Variants in PCCA observed in about 807,000 individuals in gnomAD.
PCCA encodes propionyl-CoA carboxylase subunit alpha.
A neutral mutation model predicts 101.3 loss-of-function variants in PCCA; 74 were observed. The observed-to-expected ratio is 0.73, with a 90% CI of 0.61 to 0.89. The LOEUF is 0.89. PCCA is among the 40% of genes least tolerant of loss of function. The probability of loss-of-function intolerance (pLI) is 0.00; values close to 1 mark genes in which losing one functional copy is unlikely to be tolerated. For synonymous variants in PCCA, 294 were observed against 313.6 expected (o/e 0.94, Z 0.66); for missense variants, 891 against 907.0 (o/e 0.98, Z 0.23).
intron 22 of PCCA, among the ~76,000 whole-genome samples, chr13:100,523,586 G>C (rs79037609): frequency 2.2e-4 from 34 of 152,154 alleles, no homozygotes; most frequent in Non-Finnish European, 2.4e-4. Flanking sequence ...TAAATGGGCC[G>C]AGGTTTCTCT....
At chr13:100,481,483 A>G (rs1596106389) in intron 21 of PCCA, among the ~76,000 whole-genome samples, 3 of 152,192 alleles carry the variant, frequency 2.0e-5, no homozygotes, top group South Asian at 2.1e-4. Flanking sequence ...GCTTAAGCCC[A>G]GGAGGTGGAG....
intron 21 of PCCA, among the ~76,000 whole-genome samples, chr13:100,473,531 A>G (rs1035988419): frequency 5.3e-5 from 8 of 152,314 alleles, no homozygotes; most frequent in East Asian, 1.9e-4. Flanking sequence ...TACACTCTCT[A>G]TAGTACATAC....
intron 21 of PCCA, among the ~76,000 whole-genome samples, chr13:100,472,239 C>T (rs1351924698): frequency 2.6e-5 from 4 of 152,086 alleles, no homozygotes; most frequent in African/African-American, 9.7e-5. Flanking sequence ...AGAACTTTTC[C>T]ACCGCAAGCA....
At chr13:100,433,965 G>A (rs938492250) in intron 20 of PCCA, among the ~76,000 whole-genome samples, 2 of 152,242 alleles carry the variant, frequency 1.3e-5, no homozygotes, top group African/African-American at 4.8e-5. Context: ...GTTTAATGAA[G>A]AATGGGCAGC....
chr13:100,260,698 C>G (rs993057922), intron 9 of PCCA, among the ~76,000 whole-genome samples: 2 of 151,916 alleles, frequency 1.3e-5, no homozygotes, highest in African/African-American at 4.8e-5. Context: ...CACTTGGCCA[C>G]AAATTAGTTG....
At chr13:100,164,224 A>T (rs72658517) in intron 6 of PCCA, among the ~76,000 whole-genome samples, 21,630 of 152,272 alleles carry the variant, frequency 0.14, 1,661 homozygotes, top group Non-Finnish European at 0.18. Context: ...TGAGACATAC[A>T]CATGGGGTCT....
intron 12 of PCCA, among the ~76,000 whole-genome samples, chr13:100,294,137 C>G (rs1353465571): frequency 1.3e-5 from 2 of 152,148 alleles, no homozygotes; most frequent in Non-Finnish European, 2.9e-5. Context: ...GCCATCCACT[C>G]CCTGTGTCTT....
chr13:100,427,294 G>A (rs1164501188), intron 20 of PCCA, among the ~76,000 whole-genome samples: 1 of 152,336 alleles, frequency 6.6e-6, no homozygotes, highest in East Asian at 1.9e-4. Flanking sequence ...ACTGTACAGT[G>A]CATCGAATAT....
intron 12 of PCCA, chr13:100,293,264 A>G: frequency 2.1e-6 from 1 of 471,412 alleles, no homozygotes; most frequent in South Asian, 1.5e-5. Flanking sequence ...GGTACAGTAC[A>G]ATTGTTGAAA....
At chr13:100,372,687 G>A (rs1167368948) in intron 19 of PCCA, among the ~76,000 whole-genome samples, 18 of 152,174 alleles carry the variant, frequency 1.2e-4, no homozygotes, top group African/African-American at 4.8e-5. Context: ...GAGTGAGAAG[G>A]CAACCCACAG....
At chr13:100,131,935 AC>A (rs1367601698) in intron 4 of PCCA, among the ~76,000 whole-genome samples, 1 of 152,140 alleles carries the variant, frequency 6.6e-6, no homozygotes, top group East Asian at 1.9e-4. Context: ...GAGGATCTGA[AC>A]CAGCCTGGGG....
At chr13:100,216,227 A>G (rs1594771225) in intron 7 of PCCA, among the ~76,000 whole-genome samples, 1 of 152,130 alleles carries the variant, frequency 6.6e-6, no homozygotes, top group African/African-American at 2.4e-5. Context: ...GCTATCCTGG[A>G]GAAGAGCAAA....
chr13:100,356,535 T>C (rs2073977433), intron 18 of PCCA, among the ~76,000 whole-genome samples: 1 of 152,096 alleles, frequency 6.6e-6, no homozygotes, highest in South Asian at 2.1e-4. Flanking sequence ...AAAATGTAAG[T>C]CATAACCACA....
Position 100,419,424 on chromosome 13 carries a change from A to G in PCCA, c.1747-6209A>G, listed in dbSNP as rs186915379. ...GAGGCGGAGGCTGCAGTGGGCCAAGATTGTACCACTGTACTCTAGCCTGGG... is the reference window on the plus strand; with the variant it reads ...GAGGCGGAGGCTGCAGTGGGCCAAGGTTGTACCACTGTACTCTAGCCTGGG... On this transcript the variant is annotated intron_variant, in intron 19 of 23. Transcript: ENST00000376285. Among the ~76,000 whole-genome samples the G allele has an allele frequency of 1.5e-4, 23 of 151,816 alleles. No homozygotes were observed. In the East Asian group the frequency reaches 4.3e-3, roughly 28 times the overall value.
intron 4 of PCCA, among the ~76,000 whole-genome samples, chr13:100,149,981 T>G (rs78211116): frequency 0.021 from 3,138 of 152,294 alleles, 111 homozygotes; most frequent in African/African-American, 0.072. Flanking sequence ...TCTAATTGAC[T>G]AATATGAAAT....
chr13:100,094,793 G>A (rs1302237944), intron 1 of PCCA, among the ~76,000 whole-genome samples: 6 of 152,172 alleles, frequency 3.9e-5, no homozygotes, highest in African/African-American at 1.4e-4. Flanking sequence ...TCACCATGTC[G>A]GCCTGGCTGG....
chr13:100,217,716 G>A lies in PCCA; in HGVS notation c.600+8253G>A, dbSNP rs148909782. Among the ~76,000 whole-genome samples the A allele has an allele frequency of 2.2e-3, 327 of 151,746 alleles. 1 individual carries two copies. The highest frequency in any genetic ancestry group is 7.7e-3 in the African/African-American group (317 of 41,282). ...AAAAATACAAAAAAATTAGTTGGGC[G>A]TGGTGGCAGGCACCTGTAATGTCAG... On this transcript the variant is annotated intron_variant, in intron 7 of 23. Coordinates refer to ENST00000376285, the MANE Select transcript of PCCA (RefSeq NM_000282.4).
chr13:100,181,388 C>G (rs999000808), intron 6 of PCCA, among the ~76,000 whole-genome samples: 2 of 152,102 alleles, frequency 1.3e-5, no homozygotes, highest in Non-Finnish European at 2.9e-5. Flanking sequence ...CCAGGAAACT[C>G]ATTTACAGGT....
At chr13:100,407,352 T>G (rs1267002862) in intron 19 of PCCA, among the ~76,000 whole-genome samples, 1 of 152,218 alleles carries the variant, frequency 6.6e-6, no homozygotes. Flanking sequence ...ATTTTGAAAC[T>G]GAAGTTTGAT....
Sources: gnomAD v4.1 joint callset for allele counts (sites outside exome capture counted in the v4.1 genomes callset) on GRCh38, gnomAD v4.1.1 for gene constraint, MANE v1.5 for transcripts, NCBI Gene and HGNC (gene_info 2026-07-23, HGNC 2026-07-21) for gene names.